COL11A1: variants seen among roughly 807,000 people sequenced by gnomAD.
COL11A1 encodes collagen type XI alpha 1 chain.
A neutral mutation model predicts 265.2 loss-of-function variants in COL11A1; 74 were observed. The ratio of observed to expected loss-of-function variants is 0.28; its 90% CI spans 0.23 to 0.34. The LOEUF (loss-of-function observed/expected upper bound fraction) is 0.34, where lower values mean the gene tolerates loss of function less well. Ranked by LOEUF, COL11A1 falls within the 10% of genes least tolerant of loss-of-function variation. The pLI is 1.00. For missense variants in COL11A1, 2,165 were observed against 2,263.6 expected (o/e 0.96, Z 0.88); for synonymous variants, 816 against 727.6 (o/e 1.12, Z -1.96).
chr1:103,057,632 ATGT>A (rs1670345611), intron 4 of COL11A1, among the ~76,000 whole-genome samples: 1 of 152,180 alleles, frequency 6.6e-6, no homozygotes, highest in African/African-American at 2.4e-5. Context: ...TGGGCTATTG[ATGT>A]TGTGTTAGCA....
intron 54 of COL11A1, among the ~76,000 whole-genome samples, chr1:102,904,276 A>G (rs1176910014): frequency 1.3e-5 from 2 of 152,220 alleles, no homozygotes; most frequent in Non-Finnish European, 2.9e-5. Context: ...AAACCACAGA[A>G]GAAAACCTAG....
intron 4 of COL11A1, among the ~76,000 whole-genome samples, chr1:103,032,712 T>C (rs898935329): frequency 1.3e-5 from 2 of 152,136 alleles, no homozygotes; most frequent in African/African-American, 4.8e-5. Flanking sequence ...TATTTTTATT[T>C]GTATCATTCT....
At chr1:103,044,212 T>C (rs1037632447) in intron 4 of COL11A1, among the ~76,000 whole-genome samples, 1 of 151,848 alleles carries the variant, frequency 6.6e-6, no homozygotes, top group Non-Finnish European at 1.5e-5. Context: ...TTTTTTTTTC[T>C]CAACTGTTTT....
intron 42 of COL11A1, among the ~76,000 whole-genome samples, chr1:102,945,247 A>ACTCCCTCT (rs56168825): frequency 3.3e-4 from 43 of 129,252 alleles, no homozygotes; most frequent in African/African-American, 1.3e-3. Flanking sequence ...TTTTCTTTTT[A>ACTCCCTCT]CTCTCTCTCT....
chr1:103,086,036 A>G (rs529708013), intron 1 of COL11A1, among the ~76,000 whole-genome samples: 1 of 152,224 alleles, frequency 6.6e-6, no homozygotes, highest in Admixed American at 6.5e-5. Flanking sequence ...CTATACCCCA[A>G]AATAAAAACT....
chr1:102,959,339 A>G (rs572366557), intron 41 of COL11A1, among the ~76,000 whole-genome samples: 1 of 152,132 alleles, frequency 6.6e-6, no homozygotes, highest in Non-Finnish European at 1.5e-5. Context: ...CCATCTCCCA[A>G]ATTTTGTCCC....
Position 103,078,672 on chromosome 1 carries a change from G to A in COL11A1, c.474C>T (p.Asn158=), listed in dbSNP as rs1672167542. The A allele has an allele frequency of 5.0e-6, 8 of 1,613,270 alleles. No individual in the cohort carries two copies. Among genetic ancestry groups the A allele is most frequent in the Non-Finnish European group, 6.8e-6 (8 of 1,179,478 alleles). The change falls in exon 3 of 67, where the codon AAC becomes AAT. Residue 158 remains asparagine (N), a synonymous_variant. Coordinates refer to ENST00000370096, the MANE Select transcript of COL11A1 (RefSeq NM_001854.4). Reference sequence around the variant, plus strand: ...TTGTTACTTACTTCCCGTCAGCGATGTTAACAGTTCTGAAGAGGGGATAGT... The same window carrying A: ...TTGTTACTTACTTCCCGTCAGCGATATTAACAGTTCTGAAGAGGGGATAGT... ...PEDYPLFRTV[N]IADGKWHRVA...
intron 26 of COL11A1, 126 bp from the exon 27 acceptor site, chr1:102,996,168 C>A (rs1664606429): frequency 2.2e-6 from 2 of 929,952 alleles, no homozygotes; most frequent in African/African-American, 1.7e-5. Context: ...TTGATAAAGA[C>A]TTTTTGGTAG....
intron 46 of COL11A1, among the ~76,000 whole-genome samples, chr1:102,927,716 T>C (rs1210105044): frequency 2.0e-5 from 3 of 152,162 alleles, no homozygotes; most frequent in Non-Finnish European, 2.9e-5. Flanking sequence ...AAGAGTCCAA[T>C]TGTAAGATAT....
intron 41 of COL11A1, among the ~76,000 whole-genome samples, chr1:102,961,559 C>T (rs1335839419): frequency 6.6e-6 from 1 of 152,110 alleles, no homozygotes; most frequent in African/African-American, 2.4e-5. Flanking sequence ...ACAGCCTCTC[C>T]AGGCATTCCG....
intron 1 of COL11A1, among the ~76,000 whole-genome samples, chr1:103,084,443 C>A (rs1384925973): frequency 1.3e-4 from 19 of 151,992 alleles, no homozygotes; most frequent in Non-Finnish European, 2.8e-4. Context: ...GCATTATTCA[C>A]AATAGCCAAA....
intron 28 of COL11A1, among the ~76,000 whole-genome samples, chr1:102,991,834 ATTT>A (rs5776670): frequency 3.5e-5 from 5 of 142,310 alleles, no homozygotes; most frequent in South Asian, 2.3e-4. Context: ...CATGCCAGGA[ATTT>A]TTTTTTTTTT....
intron 47 of COL11A1, among the ~76,000 whole-genome samples, chr1:102,922,108 T>A (rs1194339105): frequency 6.6e-6 from 1 of 152,190 alleles, no homozygotes; most frequent in Non-Finnish European, 1.5e-5. Flanking sequence ...CTTGGAAAAC[T>A]TTTTATAAAA....
chr1:102,940,779 C>A (rs529875141), intron 42 of COL11A1, among the ~76,000 whole-genome samples: 21 of 152,242 alleles, frequency 1.4e-4, no homozygotes, highest in African/African-American at 5.1e-4. Context: ...CATAGCTGTG[C>A]AATGGGTATT....
Position 103,014,496 on chromosome 1 carries a change from T to C in COL11A1, c.1572+15A>G. On this transcript the variant is annotated intron_variant, in intron 13 of 66. Coordinates refer to ENST00000370096, the MANE Select transcript of COL11A1 (RefSeq NM_001854.4). Reference sequence around the variant, plus strand: ...GTCAGTCATCTTGTGGGAATGCAAGTTTATCCTGTCTTACCCGAGCCTGCT... The same window carrying C: ...GTCAGTCATCTTGTGGGAATGCAAGCTTATCCTGTCTTACCCGAGCCTGCT... The C allele has an allele frequency of 6.2e-7, 1 of 1,611,588 alleles. No individual in the cohort carries two copies. The highest frequency in any genetic ancestry group is 8.5e-7 in the Non-Finnish European group (1 of 1,177,822).
At chr1:102,878,516 C>CTT (rs1649815848) in intron 66 of COL11A1, among the ~76,000 whole-genome samples, 1 of 36,704 alleles carries the variant, frequency 2.7e-5, no homozygotes, top group Admixed American at 3.3e-4. Flanking sequence ...TTTTTCTTTT[C>CTT]TTTCTTTTTT....
chr1:103,057,913 T>C (rs988072204), intron 4 of COL11A1, among the ~76,000 whole-genome samples: 1 of 152,200 alleles, frequency 6.6e-6, no homozygotes, highest in Non-Finnish European at 1.5e-5. Context: ...AAGTGAGCAC[T>C]GGCTTCAACT....
intron 1 of COL11A1, 88 bp downstream of exon 1, chr1:103,107,985 C>A (rs1448835453): frequency 4.6e-6 from 4 of 875,244 alleles, no homozygotes; most frequent in Middle Eastern, 2.7e-4. Context: ...TCTTGAAGAG[C>A]GGGGAGGAAG....
At chr1:102,969,653 AT>A (rs1174563817) in intron 37 of COL11A1, among the ~76,000 whole-genome samples, 5 of 152,184 alleles carry the variant, frequency 3.3e-5, no homozygotes, top group South Asian at 2.1e-4. Flanking sequence ...TTACTGTTAT[AT>A]TCTTTATAGG....
Sources: gnomAD v4.1 joint callset for allele counts (sites outside exome capture counted in the v4.1 genomes callset) on GRCh38, gnomAD v4.1.1 for gene constraint, MANE v1.5 for transcripts, NCBI Gene and HGNC (gene_info 2026-07-23, HGNC 2026-07-21) for gene names.